Variants in XRN2 observed in about 807,000 individuals in gnomAD.
The protein encoded by XRN2 is 5'-3' exoribonuclease 2.
XRN2 carries 44 observed loss-of-function variants against 138.5 expected under a neutral mutation model. That is an observed-to-expected ratio of 0.32 (90% CI 0.25 to 0.41). The LOEUF is 0.41. XRN2 is among the 10% of genes least tolerant of loss of function. XRN2 has a pLI of 1.00. For synonymous variants in XRN2, 354 were observed against 369.4 expected, an observed-to-expected ratio of 0.96 and a Z score of 0.48; for missense variants, 937 against 1,169.3, an observed-to-expected ratio of 0.80 and a Z score of 2.90.
At position 21,356,639 on chromosome 20, in the gene XRN2, G is replaced by T. The variant is rs1468468328; in HGVS notation, c.2172G>T (p.Leu724Phe). 1 of 1,613,578 alleles carries T rather than the reference G, an allele frequency of 6.2e-7. No individual in the cohort carries two copies. Among genetic ancestry groups the T allele is most frequent in the Admixed American group, 1.7e-5 (1 of 59,970 alleles). Residue 724 changes from leucine (L) to phenylalanine (F), a missense_variant, in exon 23 of 30, where the codon TTG (leucine) becomes TTT (phenylalanine). Physicochemically the swap from Leu to Phe is conservative, Grantham distance 22 (BLOSUM62 0). Coordinates refer to ENST00000377191, the MANE Select transcript of XRN2 (RefSeq NM_012255.5). The part of the protein sequence containing the change: ...LCHGIQGKFS[L>F]DEEAILPDQI... ...ATGGGATTCAAGGAAAGTTTTCTTT[G>T]GATGAAGAAGCCATTCTTCCAGATC...
rs370822332 is a variant in XRN2 at position 21,315,411 on chromosome 20, A to G, written c.76-10868A>G. Among the ~76,000 whole-genome samples the G allele has an allele frequency of 3.6e-4, 55 of 152,276 alleles. No individual in the cohort carries two copies. In the South Asian group the frequency reaches 0.011, roughly 30 times the overall value. ...TTTTGATTTGCATTTTCTGATGACT[A>G]GTCGTGTTGAGCATCTTTTCATGTG... On this transcript the variant is annotated intron_variant, in intron 1 of 29. Coordinates refer to ENST00000377191, the MANE Select transcript of XRN2 (RefSeq NM_012255.5).
intron 27 of XRN2, among the ~76,000 whole-genome samples, chr20:21,377,079 G>A (rs1282060368): frequency 6.6e-6 from 1 of 152,102 alleles, no homozygotes; most frequent in Non-Finnish European, 1.5e-5. Flanking sequence ...AGGCAACCAT[G>A]TCATTTCACA....
At chr20:21,369,514 A>G (rs930478921) in intron 27 of XRN2, among the ~76,000 whole-genome samples, 3 of 152,162 alleles carry the variant, frequency 2.0e-5, no homozygotes, top group Admixed American at 2.0e-4. Flanking sequence ...CCTTTTCTCC[A>G]TATCCTCACT....
chr20:21,387,184 AAAT>A, intron 29 of XRN2, among the ~76,000 whole-genome samples, 178 bp downstream of exon 29: 1 of 152,328 alleles, frequency 6.6e-6, no homozygotes, highest in South Asian at 2.1e-4. Context: ...CTGCTTCACT[AAAT>A]AGGTTATATA....
chr20:21,330,798 C>T (rs1317781816), intron 6 of XRN2, 93 bp downstream of exon 6: 8 of 1,203,840 alleles, frequency 6.6e-6, no homozygotes, highest in Non-Finnish European at 9.3e-6. Context: ...TTCTGCCCTG[C>T]CCCATAAAAT....
chr20:21,386,943 G>T lies in XRN2; in HGVS notation c.2724G>T (p.Gln908His), dbSNP rs750802352. 12 of 1,614,042 alleles carry T rather than the reference G, an allele frequency of 7.4e-6. No individual in the cohort carries two copies. The highest frequency in any genetic ancestry group is 1.0e-5 in the Non-Finnish European group (12 of 1,179,878). Residue 908 changes from glutamine to histidine, a missense_variant, in exon 29 of 30, where the codon CAG becomes CAT. By Grantham distance (24) the Gln-to-His change is conservative. This residue lies in a region of XRN2 where 372 missense variants were observed against 414.4 expected (regional missense o/e 0.90). Coordinates refer to ENST00000377191, the MANE Select transcript of XRN2 (RefSeq NM_012255.5). ...QTQNAAFQPN[Q>H]YQMLAGPGGY... ...AGAATGCAGCCTTCCAGCCAAACCAGTACCAGATGCTAGCTGGGCCTGGTG... is the reference window on the plus strand; with the variant it reads ...AGAATGCAGCCTTCCAGCCAAACCATTACCAGATGCTAGCTGGGCCTGGTG...
intron 27 of XRN2, among the ~76,000 whole-genome samples, chr20:21,377,264 C>CTTTTCTTTTTTTTTTTTTT (rs1555788241): frequency 1.2e-5 from 1 of 82,782 alleles, no homozygotes; most frequent in Non-Finnish European, 2.1e-5. Flanking sequence ...TCGGTTTTTT[C>CTTTTCTTTTTTTTTTTTTT]TTTTTTTTTT....
chr20:21,359,254 G>A lies in XRN2; in HGVS notation c.2255+1462G>A, dbSNP rs565416879. Among the ~76,000 whole-genome samples the A allele has an allele frequency of 2.1e-3, 315 of 152,186 alleles. 2 individuals are homozygous for A. The highest frequency in any genetic ancestry group is 7.0e-3 in the African/African-American group (289 of 41,524). ...GATTATTAAATTTATAAAACAGGCCGGGCGCGGTGGCTCACACCTGTAATC... is the reference window on the plus strand; with the variant it reads ...GATTATTAAATTTATAAAACAGGCCAGGCGCGGTGGCTCACACCTGTAATC... On this transcript the variant is annotated intron_variant, in intron 24 of 29. Coordinates refer to ENST00000377191, the MANE Select transcript of XRN2 (RefSeq NM_012255.5).
chr20:21,364,148 G>C (rs937821763), intron 24 of XRN2, among the ~76,000 whole-genome samples: 6 of 152,068 alleles, frequency 3.9e-5, no homozygotes, highest in African/African-American at 1.4e-4. Context: ...AGCCAGGATG[G>C]TCTCGATCTC....
At chr20:21,326,246 A>G in intron 1 of XRN2, 33 bp from the exon 2 acceptor site, 1 of 1,602,784 alleles carries the variant, frequency 6.2e-7, no homozygotes, top group East Asian at 2.2e-5. Flanking sequence ...GACTTGAACA[A>G]TCAAACTACT....
intron 28 of XRN2, among the ~76,000 whole-genome samples, chr20:21,385,786 C>T (rs1277214550): frequency 6.6e-6 from 1 of 152,154 alleles, no homozygotes; most frequent in Non-Finnish European, 1.5e-5. Flanking sequence ...GGGCTTTTTT[C>T]CCCTAAGACC....
chr20:21,334,116 A>G lies in XRN2; in HGVS notation c.1164A>G (p.Arg388=), dbSNP rs2038254098. The G allele has an allele frequency of 6.2e-7, 1 of 1,613,948 alleles. No individual in the cohort carries two copies. ...AAAGTGGTTATGTCAATCTGCAAAG[A>G]GTACAGATGATCATGTTAGCAGTTG... ...LTESGYVNLQ[R]VQMIMLAVGE... The change falls in exon 13 of 30, where the codon AGA becomes AGG. Residue 388 remains arginine (R), a synonymous_variant. Coordinates refer to ENST00000377191, the MANE Select transcript of XRN2 (RefSeq NM_012255.5).
At chr20:21,374,723 A>T (rs1267993471) in intron 27 of XRN2, among the ~76,000 whole-genome samples, 1 of 152,008 alleles carries the variant, frequency 6.6e-6, no homozygotes, top group African/African-American at 2.4e-5. Flanking sequence ...GGGATTTTTA[A>T]AATCTATGTA....
intron 27 of XRN2, 54 bp from the exon 28 acceptor site, chr20:21,381,940 T>C: frequency 6.8e-7 from 1 of 1,471,728 alleles, no homozygotes; most frequent in African/African-American, 1.4e-5. Context: ...ATTGGGTAGT[T>C]GAATATTGGT....
chr20:21,313,466 A>G (rs1214608282), intron 1 of XRN2, among the ~76,000 whole-genome samples: 1 of 152,200 alleles, frequency 6.6e-6, no homozygotes, highest in African/African-American at 2.4e-5. Flanking sequence ...CATATTTGCA[A>G]ATATGGGATT....
At chr20:21,374,526 T>C (rs2038797367) in intron 27 of XRN2, among the ~76,000 whole-genome samples, 1 of 152,180 alleles carries the variant, frequency 6.6e-6, no homozygotes, top group African/African-American at 2.4e-5. Flanking sequence ...TATTGAATTT[T>C]ATCAGATGCT....
At chr20:21,317,454 C>G (rs769243710) in intron 1 of XRN2, among the ~76,000 whole-genome samples, 7 of 151,976 alleles carry the variant, frequency 4.6e-5, no homozygotes, top group Non-Finnish European at 1.0e-4. Flanking sequence ...AGGATAAATC[C>G]TACTTGGTCA....
chr20:21,328,191 C>T (rs1568573361), intron 3 of XRN2, among the ~76,000 whole-genome samples: 1 of 152,194 alleles, frequency 6.6e-6, no homozygotes. Flanking sequence ...AGTAACTGCT[C>T]ATCAGATGTT....
chr20:21,349,693 C>T (rs1324244446), intron 20 of XRN2, among the ~76,000 whole-genome samples: 1 of 151,946 alleles, frequency 6.6e-6, no homozygotes, highest in Non-Finnish European at 1.5e-5. Flanking sequence ...CAGGGAGCCA[C>T]GATTGCACCA....
Sources: allele counts gnomAD v4.1 joint callset (sites outside exome capture counted in the v4.1 genomes callset), GRCh38; gene constraint gnomAD v4.1.1; regional missense constraint gnomAD v4.1.1; transcripts MANE v1.5; gene names NCBI Gene and HGNC (gene_info 2026-07-23, HGNC 2026-07-21).